Variants in CSMD1 observed in about 807,000 individuals in gnomAD.
CSMD1 encodes CUB and Sushi multiple domains 1, also known as CUB and sushi domain-containing protein 1.
A neutral mutation model predicts 417.5 loss-of-function variants in CSMD1; 213 were observed. That is an observed-to-expected ratio of 0.51 (90% CI 0.46 to 0.57). The LOEUF is 0.57. Ranked by LOEUF, CSMD1 falls within the 20% of genes least tolerant of loss-of-function variation. The pLI, the probability that CSMD1 is intolerant of heterozygous loss-of-function variation, is 0.00. For synonymous variants in CSMD1, 2,862 were observed against 1,736.8 expected (o/e 1.65, Z -16.11); for missense variants, 6,923 against 4,529.7 (o/e 1.53, Z -15.17).
chr8:3,985,314 C>A (rs984673543), intron 5 of CSMD1, among the ~76,000 whole-genome samples: 3 of 152,180 alleles, frequency 2.0e-5, no homozygotes, highest in Non-Finnish European at 2.9e-5. Flanking sequence ...ATTTTTAAAG[C>A]AGGCATATAT....
rs1796581352 is a variant in CSMD1, at chr8:4,771,248, T to A, written c.86-133690A>T. Among the ~76,000 whole-genome samples, 3 of 152,202 alleles carry A rather than the reference T, an allele frequency of 2.0e-5. No individual in the cohort carries two copies. The South Asian group carries it at 6.2e-4, about 32-fold the overall frequency. Reference sequence around the variant, plus strand: ...AGGCAGAGCTGGATGAGGAAGTCAGTCTACATTCTGTAATTCCAAGTTTCT... The same window carrying A: ...AGGCAGAGCTGGATGAGGAAGTCAGACTACATTCTGTAATTCCAAGTTTCT... On this transcript the variant is annotated intron_variant, in intron 1 of 69. Coordinates refer to ENST00000635120, the MANE Select transcript of CSMD1 (RefSeq NM_033225.6).
intron 3 of CSMD1, among the ~76,000 whole-genome samples, chr8:4,190,566 G>A (rs556787392): frequency 8.7e-5 from 13 of 149,806 alleles, no homozygotes; most frequent in Admixed American, 8.0e-4. Context: ...AACTGAAAGA[G>A]ACTCTGATGA....
intron 3 of CSMD1, among the ~76,000 whole-genome samples, chr8:4,034,394 AAACAC>A (rs1369961604): frequency 1.3e-5 from 2 of 152,210 alleles, no homozygotes; most frequent in African/African-American, 2.4e-5. Context: ...ATCTGTTTGA[AAACAC>A]AACAGAAAAT....
At chr8:4,028,767 TG>T (rs911217213) in intron 4 of CSMD1, among the ~76,000 whole-genome samples, 25 of 152,208 alleles carry the variant, frequency 1.6e-4, no homozygotes, top group African/African-American at 6.0e-4. Context: ...GAGAGTTAAA[TG>T]GTATAATCCA....
intron 25 of CSMD1, among the ~76,000 whole-genome samples, chr8:3,296,569 C>T (rs893020745): frequency 2.0e-5 from 3 of 152,080 alleles, no homozygotes; most frequent in Admixed American, 1.3e-4. Context: ...GACAACATGC[C>T]ATGGAGGGAA....
At chr8:4,003,469 T>C (rs966200190) in intron 4 of CSMD1, among the ~76,000 whole-genome samples, 2 of 151,532 alleles carry the variant, frequency 1.3e-5, no homozygotes, top group Non-Finnish European at 2.9e-5. Context: ...CACAAACAGA[T>C]ACATGGGAAA....
chr8:3,906,342 C>A (rs1002071523), intron 5 of CSMD1, among the ~76,000 whole-genome samples: 4 of 151,896 alleles, frequency 2.6e-5, no homozygotes, highest in Admixed American at 2.6e-4. Flanking sequence ...ATTCAAAATC[C>A]CAAGTATACC....
At chr8:4,169,539 T>C (rs1464108556) in intron 3 of CSMD1, among the ~76,000 whole-genome samples, 1 of 152,144 alleles carries the variant, frequency 6.6e-6, no homozygotes, top group African/African-American at 2.4e-5. Flanking sequence ...AATGGCAGCC[T>C]CCAAACTCAT....
chr8:4,033,850 A>T (rs1161946087), intron 3 of CSMD1, among the ~76,000 whole-genome samples: 1 of 152,208 alleles, frequency 6.6e-6, no homozygotes, highest in Non-Finnish European at 1.5e-5. Context: ...CATGATTTTG[A>T]ACTGAAACGG....
chr8:4,801,424 G>C (rs1317607373), intron 1 of CSMD1, among the ~76,000 whole-genome samples: 1 of 151,882 alleles, frequency 6.6e-6, no homozygotes, highest in Non-Finnish European at 1.5e-5. Context: ...ATTTCGGCCA[G>C]TCAGCTACTC....
chr8:4,360,012 T>C (rs1415580659), intron 3 of CSMD1, among the ~76,000 whole-genome samples: 1 of 152,148 alleles, frequency 6.6e-6, no homozygotes, highest in East Asian at 1.9e-4. Flanking sequence ...AGTTGTGGAG[T>C]TCCAGCTCTC....
At chr8:3,172,218 T>C (rs1197047379) in intron 37 of CSMD1, among the ~76,000 whole-genome samples, 2 of 152,212 alleles carry the variant, frequency 1.3e-5, no homozygotes, top group Non-Finnish European at 2.9e-5. Flanking sequence ...CTTCCTTTTC[T>C]GACTGCTCAC....
chr8:4,618,894 G>C (rs940918217), intron 2 of CSMD1, among the ~76,000 whole-genome samples: 2 of 152,130 alleles, frequency 1.3e-5, no homozygotes, highest in African/African-American at 4.8e-5. Flanking sequence ...AATAGACAGA[G>C]TGGGCTCTAG....
chr8:4,354,131 T>G (rs1274564680), intron 3 of CSMD1, among the ~76,000 whole-genome samples: 1 of 152,206 alleles, frequency 6.6e-6, no homozygotes, highest in Non-Finnish European at 1.5e-5. Context: ...CGCCTGAAAG[T>G]AAATTTTAAA....
intron 1 of CSMD1, among the ~76,000 whole-genome samples, chr8:4,905,819 C>CAAAAAAAAAAAA (rs147276107): frequency 1.1e-5 from 1 of 94,338 alleles, no homozygotes; most frequent in Non-Finnish European, 2.1e-5. Flanking sequence ...GACTCCATCT[C>CAAAAAAAAAAAA]AAAAAAAAAA....
intron 5 of CSMD1, among the ~76,000 whole-genome samples, chr8:3,990,896 T>C (rs1361634635): frequency 1.3e-5 from 2 of 152,124 alleles, no homozygotes; most frequent in African/African-American, 4.8e-5. Flanking sequence ...TGGAGGTCCA[T>C]TCTGACGTGA....
intron 10 of CSMD1, among the ~76,000 whole-genome samples, chr8:3,525,692 A>G (rs1175698372): frequency 6.6e-6 from 1 of 152,170 alleles, no homozygotes; most frequent in Non-Finnish European, 1.5e-5. Flanking sequence ...CTATGTACCC[A>G]GCTTCCTATG....
chr8:4,822,496 C>G (rs559386891), intron 1 of CSMD1, among the ~76,000 whole-genome samples: 122 of 152,168 alleles, frequency 8.0e-4, no homozygotes, highest in African/African-American at 2.8e-3. Flanking sequence ...GGAGATGTTT[C>G]TCATTTACCT....
intron 68 of CSMD1, among the ~76,000 whole-genome samples, chr8:2,946,530 C>G (rs1307465592): frequency 6.6e-6 from 1 of 152,152 alleles, no homozygotes; most frequent in Admixed American, 6.5e-5. Context: ...CTTGGCATGA[C>G]GTTTTCAAGG....
Sources: allele counts gnomAD v4.1 joint callset (sites outside exome capture counted in the v4.1 genomes callset), GRCh38; gene constraint gnomAD v4.1.1; transcripts MANE v1.5; gene names NCBI Gene and HGNC (gene_info 2026-07-23, HGNC 2026-07-21).